The following GNAI2 variants were observed in gnomAD, a reference collection of about 807,000 sequenced individuals.
The protein encoded by GNAI2 is G protein subunit alpha i2.
GNAI2 carries 4 observed loss-of-function variants against 36.8 expected under a neutral mutation model. The ratio of observed to expected loss-of-function variants is 0.11; its 90% CI spans 0.05 to 0.25. The LOEUF is 0.25. GNAI2 is among the 10% of genes least tolerant of loss of function. GNAI2 has a pLI of 1.00. For synonymous variants in GNAI2, 194 were observed against 194.1 expected (o/e 1.00, Z 0.01); for missense variants, 230 against 481.3 (o/e 0.48, Z 4.89).
intron 8 of GNAI2, 119 bp downstream of exon 8, chr3:50,257,833 C>A: frequency 1.7e-6 from 1 of 582,052 alleles, no homozygotes. Context: ...CAATAGGTGA[C>A]CAGGGGACAA....
chr3:50,259,023 CGT>C lies in GNAI2; in HGVS notation c.*683_*684del. On this transcript the variant is annotated 3_prime_UTR_variant, in exon 9 of 9. Transcript: ENST00000313601. Reference sequence around the variant, plus strand: ...TGACTCCGTGCCTTGAGTGTGTCTGCGTGTTTACACCCGTCCCTCTGCTGGCC... The same window carrying C: ...TGACTCCGTGCCTTGAGTGTGTCTGCGTTTACACCCGTCCCTCTGCTGGCC... 2 of 428,682 alleles carry C rather than the reference CGT, an allele frequency of 4.7e-6. No individual in the cohort carries two copies. The highest frequency in any genetic ancestry group is 3.4e-5 in the South Asian group (2 of 59,632). 26.6% of individuals were successfully genotyped at this position (428,682 alleles called of 1,614,324 possible).
At chr3:50,249,007 G>A (rs1472331846) in intron 1 of GNAI2, among the ~76,000 whole-genome samples, 5 of 152,134 alleles carry the variant, frequency 3.3e-5, no homozygotes, top group African/African-American at 7.2e-5. Flanking sequence ...CCTACTAAGA[G>A]TGGGCAAAAG....
intron 1 of GNAI2, chr3:50,240,046 CATACT>C (rs1700264693): frequency 6.6e-6 from 1 of 152,288 alleles, no homozygotes; most frequent in South Asian, 2.1e-4. Flanking sequence ...AAAGGGCTGG[CATACT>C]ATAGATGCCT....
At chr3:50,246,350 C>G (rs912410390) in intron 1 of GNAI2, among the ~76,000 whole-genome samples, 1 of 152,238 alleles carries the variant, frequency 6.6e-6, no homozygotes, top group Non-Finnish European at 1.5e-5. Flanking sequence ...CACAGTGTCT[C>G]CGGCTGCCGG....
rs1226316125 is a variant in GNAI2, at chr3:50,255,965, G to C, written c.465-227G>C. On this transcript the variant is annotated intron_variant, in intron 4 of 8. Transcript: ENST00000313601. The surrounding 1 kb of genome is among the most constrained non-coding windows in gnomAD (Gnocchi z 4.0). Reference sequence around the variant, plus strand: ...GGAGGCTGAGGCAGGAGAATCGCTTGAACCTGGCAGGCAGAGGTTGCAGTG... The same window carrying C: ...GGAGGCTGAGGCAGGAGAATCGCTTCAACCTGGCAGGCAGAGGTTGCAGTG... Among the ~76,000 whole-genome samples, 8 of 141,272 alleles carry C rather than the reference G, an allele frequency of 5.7e-5. No individual in the cohort carries two copies. Among genetic ancestry groups the C allele is most frequent in the Admixed American group, 1.5e-4 (2 of 13,226 alleles). The allele number at this position is 141,272 out of a possible 152,430, so 92.7% of individuals were successfully genotyped here.
At chr3:50,251,673 G>C in intron 1 of GNAI2, 1 of 1,344,144 alleles carries the variant, frequency 7.4e-7, no homozygotes, top group African/African-American at 1.5e-5. Context: ...TACCCTGTTG[G>C]ATGGAGTATG....
chr3:50,240,769 A>G (rs587614649), intron 1 of GNAI2, among the ~76,000 whole-genome samples: 1 of 152,120 alleles, frequency 6.6e-6, no homozygotes, highest in East Asian at 1.9e-4. Flanking sequence ...ATACAAAAAA[A>G]TTAGCCAGGT....
chr3:50,240,636 G>T (rs1700278056), intron 1 of GNAI2, among the ~76,000 whole-genome samples: 1 of 152,110 alleles, frequency 6.6e-6, no homozygotes, highest in African/African-American at 2.4e-5. Flanking sequence ...GGTGAGGGAG[G>T]CCAGGCGCGG....
At chr3:50,251,558 C>T (rs587684601) in intron 1 of GNAI2, 2 of 1,189,376 alleles carry the variant, frequency 1.7e-6, no homozygotes, top group East Asian at 6.3e-5. Context: ...GCGCAGTGAG[C>T]AGAGGGCGGG....
chr3:50,256,910 GCGT>G, intron 6 of GNAI2, 24 bp from the exon 7 acceptor site: 4 of 1,613,874 alleles, frequency 2.5e-6, no homozygotes, highest in Non-Finnish European at 2.5e-6. Context: ...GTGGTGGCTA[GCGT>G]TGACCTTGCT....
chr3:50,247,039 C>T, intron 1 of GNAI2: 1 of 979,940 alleles, frequency 1.0e-6, no homozygotes, highest in Non-Finnish European at 1.6e-6. Flanking sequence ...ATGAGATGAC[C>T]ACAGCAGTCT....
intron 8 of GNAI2, 136 bp downstream of exon 8, chr3:50,257,850 A>G: frequency 1.7e-6 from 1 of 572,018 alleles, no homozygotes; most frequent in Non-Finnish European, 3.1e-6. Context: ...ACAAGGGAGG[A>G]GAAGGCCCAG....
Position 50,236,410 on chromosome 3 carries a change from G to A in GNAI2, c.75G>A (p.Glu25=). The change falls in exon 1 of 9, where the codon GAG becomes GAA. Residue 25 remains glutamate (E), a synonymous_variant. Coordinates refer to ENST00000313601, the MANE Select transcript of GNAI2 (RefSeq NM_002070.4). This position sits in a 1 kb window ranked among gnomAD's most constrained non-coding sequence, Gnocchi z 4.0. ...RSKMIDKNLR[E]DGEKAAREVK... is the part of the protein sequence containing the mutation. ...AGATGATCGACAAGAACCTGCGGGAGGACGGAGAGAAGGCGGCGCGGGAGG... is the reference window on the plus strand; with the variant it reads ...AGATGATCGACAAGAACCTGCGGGAAGACGGAGAGAAGGCGGCGCGGGAGG... The A allele has an allele frequency of 3.8e-6, 6 of 1,579,116 alleles. No individual in the cohort carries two copies. The highest frequency in any genetic ancestry group is 3.7e-5 in the Admixed American group (2 of 54,398).
intron 1 of GNAI2, among the ~76,000 whole-genome samples, chr3:50,245,121 C>G (rs1339000048): frequency 6.6e-6 from 1 of 152,118 alleles, no homozygotes; most frequent in Non-Finnish European, 1.5e-5. Context: ...GCCTCAGCCT[C>G]CAGAGTAGCT....
chr3:50,227,919 T>A (rs1347789224), upstream of GNAI2, among the ~76,000 whole-genome samples: 2 of 152,134 alleles, frequency 1.3e-5, no homozygotes, highest in Non-Finnish European at 2.9e-5. This position sits in a 1 kb window ranked among gnomAD's most constrained non-coding sequence, Gnocchi z 5.9. Context: ...CAAGGAAGGC[T>A]TCCTAGAGGT....
At position 50,252,231 on chromosome 3, in the gene GNAI2, C is replaced by A; in HGVS notation, c.161+89C>A. 1.4e-6 allele frequency: 2 copies of A among 1,427,672 alleles called. No homozygotes were observed. Among genetic ancestry groups the A allele is most frequent in the Non-Finnish European group, 9.8e-7 (1 of 1,016,388 alleles). 88.4% of individuals were successfully genotyped at this position (1,427,672 alleles called of 1,614,324 possible). On this transcript the variant is annotated intron_variant, in intron 2 of 8. Transcript: ENST00000313601. This position sits in a 1 kb window ranked among gnomAD's most constrained non-coding sequence, Gnocchi z 4.1. Reference sequence around the variant, plus strand: ...GCACTGCCCCCGACTACAGGCCCAGCCAGTCTTAGCCAGGCCCAGAATCTT... The same window carrying A: ...GCACTGCCCCCGACTACAGGCCCAGACAGTCTTAGCCAGGCCCAGAATCTT...
Position 50,259,135 on chromosome 3 carries a change from GGGCCCTGCCCCAGC to G in GNAI2, c.*800_*813del. ...TCCAGACAACTGCCAACGTCACTGA[GGGCCCTGCCCCAGC>G]GGCCCTGGCCCCAGGCTCTATTAAC... On this transcript the variant is annotated 3_prime_UTR_variant, in exon 9 of 9. Transcript: ENST00000313601. 1 of 339,044 alleles carries G rather than the reference GGGCCCTGCCCCAGC, an allele frequency of 2.9e-6. No homozygotes were observed. Among genetic ancestry groups the G allele is most frequent in the South Asian group, 2.3e-5 (1 of 43,016 alleles). The allele number at this position is 339,044 out of a possible 1,614,324, so 21.0% of individuals were successfully genotyped here.
rs782672131 is a variant in GNAI2 at position 50,252,152 on chromosome 3, G to A, written c.161+10G>A. On this transcript the variant is annotated intron_variant, in intron 2 of 8. Coordinates refer to ENST00000313601, the MANE Select transcript of GNAI2 (RefSeq NM_002070.4). This position sits in a 1 kb window ranked among gnomAD's most constrained non-coding sequence, Gnocchi z 4.1. ...TCGTCAAGCAGATGAAGTAAGTGCT[G>A]TATTCCAGAGGCAGTGCTCAAACTC... is the stretch of plus-strand genomic sequence containing the variant. The A allele has an allele frequency of 5.0e-6, 8 of 1,612,734 alleles. No homozygotes were observed.
In GNAI2 at chr3:50,253,337, G is replaced by C. The variant is rs1355021572; in HGVS notation, c.464+153G>C. 1.3e-5 allele frequency among the ~76,000 whole-genome samples: 2 copies of C among 151,808 alleles called. No individual in the cohort carries two copies. Among genetic ancestry groups the C allele is most frequent in the Admixed American group, 1.3e-4 (2 of 15,228 alleles). On this transcript the variant is annotated intron_variant, in intron 4 of 8. Transcript: ENST00000313601. The surrounding 1 kb of genome is among the most constrained non-coding windows in gnomAD (Gnocchi z 4.2). ...CCAAGGCCTTCCTGTTTTTTGGTTT[G>C]GGGGGTGGGTGGGTGTCACGTTACT...
Sources: allele counts gnomAD v4.1 joint callset (sites outside exome capture counted in the v4.1 genomes callset), GRCh38; gene constraint gnomAD v4.1.1; non-coding constraint Gnocchi (gnomAD v3.1); transcripts MANE v1.5; gene names NCBI Gene and HGNC (gene_info 2026-07-23, HGNC 2026-07-21).